RFX2: variants seen among roughly 807,000 people sequenced by gnomAD.
RFX2 encodes the protein regulatory factor X2.
A neutral mutation model predicts 87.8 loss-of-function variants in RFX2; 20 were observed. That is an observed-to-expected ratio of 0.23 (90% CI 0.16 to 0.33). RFX2 has a LOEUF of 0.33. Ranked by LOEUF, RFX2 falls within the 10% of genes least tolerant of loss-of-function variation. RFX2 has a pLI of 1.00. For missense variants in RFX2, 767 were observed against 1,012.3 expected, an observed-to-expected ratio of 0.76 and a Z score of 3.29; for synonymous variants, 397 against 431.3, an observed-to-expected ratio of 0.92 and a Z score of 0.98.
At chr19:6,088,288 C>T (rs1175086475) in intron 1 of RFX2, among the ~76,000 whole-genome samples, 1 of 142,250 alleles carries the variant, frequency 7.0e-6, no homozygotes, top group African/African-American at 2.7e-5. Context: ...GGCGTGATCT[C>T]GGCTCACTGC....
chr19:6,104,047 T>C (rs1403089703), intron 1 of RFX2, among the ~76,000 whole-genome samples: 4 of 152,178 alleles, frequency 2.6e-5, no homozygotes, highest in Admixed American at 1.3e-4. Flanking sequence ...ATTTCACAGA[T>C]GTCAAACCTT....
At chr19:6,099,515 A>G (rs1364475157) in intron 1 of RFX2, among the ~76,000 whole-genome samples, 3 of 146,426 alleles carry the variant, frequency 2.0e-5, no homozygotes, top group Non-Finnish European at 4.5e-5. Flanking sequence ...GGGCTGCGTG[A>G]TTTTTTTTTT....
chr19:5,997,306 C>A lies in RFX2; in HGVS notation c.1860-93G>T. On this transcript the variant is annotated intron_variant, in intron 15 of 17. Transcript: ENST00000303657. This position sits in a 1 kb window ranked among gnomAD's most constrained non-coding sequence, Gnocchi z 4.2. ...TCATGGCAGCAACACACCCCCTGCTCTACGTTCCCTGGGGAACCCAGAGGC... is the reference window on the plus strand; with the variant it reads ...TCATGGCAGCAACACACCCCCTGCTATACGTTCCCTGGGGAACCCAGAGGC... The A allele has an allele frequency of 5.2e-6, 7 of 1,350,660 alleles. No homozygotes were observed. Among genetic ancestry groups the A allele is most frequent in the Non-Finnish European group, 6.9e-6 (7 of 1,014,062 alleles). The allele number at this position is 1,350,660 out of a possible 1,614,324, so 83.7% of individuals were successfully genotyped here.
At chr19:6,100,416 G>C (rs74518892) in intron 1 of RFX2, among the ~76,000 whole-genome samples, 1 of 152,194 alleles carries the variant, frequency 6.6e-6, no homozygotes, top group Non-Finnish European at 1.5e-5. Context: ...AGAATCCAGA[G>C]ACGACAGAGC....
At chr19:6,028,918 T>C (rs567704303) in intron 5 of RFX2, among the ~76,000 whole-genome samples, 1 of 151,912 alleles carries the variant, frequency 6.6e-6, no homozygotes, top group African/African-American at 2.4e-5. Flanking sequence ...CTACTAAAAA[T>C]ACCAAAAAAA....
chr19:6,095,887 T>C (rs2088014546), intron 1 of RFX2, among the ~76,000 whole-genome samples: 1 of 152,204 alleles, frequency 6.6e-6, no homozygotes, highest in Non-Finnish European at 1.5e-5. Flanking sequence ...CTGTGATGCA[T>C]GAAAATTACA....
Position 6,102,497 on chromosome 19 carries a change from G to A in RFX2, c.-9+7896C>T, listed in dbSNP as rs549951186. On this transcript the variant is annotated intron_variant, in intron 1 of 17. Coordinates refer to ENST00000303657, the MANE Select transcript of RFX2 (RefSeq NM_000635.4). ...TTTGATCTGACAGGTACCGGCTGAT[G>A]TGAACTCTACCAATGATCCAGTTTA... Among the ~76,000 whole-genome samples the A allele has an allele frequency of 1.1e-4, 16 of 152,350 alleles. No individual in the cohort carries two copies. In the South Asian group the frequency reaches 3.3e-3, roughly 32 times the overall value.
chr19:6,013,207 A>G lies in RFX2; in HGVS notation c.780-102T>C, dbSNP rs1437958311. ...TTCTTTCTTCTTTTTTTTTTTTGAG[A>G]CAGAATCTCATTCTGTCGCCCAGGC... On this transcript the variant is annotated intron_variant, in intron 7 of 17. Coordinates refer to ENST00000303657, the MANE Select transcript of RFX2 (RefSeq NM_000635.4). This position sits in a 1 kb window ranked among gnomAD's most constrained non-coding sequence, Gnocchi z 4.1. The G allele has an allele frequency of 1.7e-5, 21 of 1,213,182 alleles. No homozygotes were observed. Among genetic ancestry groups the G allele is most frequent in the Non-Finnish European group, 2.1e-5 (19 of 897,796 alleles). 75.2% of individuals were successfully genotyped at this position (1,213,182 alleles called of 1,614,324 possible).
At chr19:6,076,063 G>T (rs2144846768) in intron 1 of RFX2, among the ~76,000 whole-genome samples, 1 of 152,258 alleles carries the variant, frequency 6.6e-6, no homozygotes, top group East Asian at 1.9e-4. Context: ...CGAGGTTGGG[G>T]GCGGTGGCTC....
rs1417341643 is a variant in RFX2, at chr19:6,012,979, C to A, written c.899+7G>T. 8 of 1,531,210 alleles carry A rather than the reference C, an allele frequency of 5.2e-6. No individual in the cohort carries two copies. Among genetic ancestry groups the A allele is most frequent in the Non-Finnish European group, 7.0e-6 (8 of 1,138,828 alleles). 94.9% of individuals were successfully genotyped at this position (1,531,210 alleles called of 1,614,324 possible). On this transcript the variant is annotated splice_region_variant and intron_variant, in intron 8 of 17. Transcript: ENST00000303657. The surrounding 1 kb of genome is among the most constrained non-coding windows in gnomAD (Gnocchi z 4.6). Reference sequence around the variant, plus strand: ...GCCAGCTCCTCCCAGCTCGGCCCGGCACCCACCTGGGCTTCTGGTGCATGG... The same window carrying A: ...GCCAGCTCCTCCCAGCTCGGCCCGGAACCCACCTGGGCTTCTGGTGCATGG...
rs1260473093 is a variant in RFX2, at chr19:6,110,284, T to G, written c.-9+109A>C. The G allele has an allele frequency of 6.7e-6, 1 of 149,220 alleles. No homozygotes were observed. Among genetic ancestry groups the G allele is most frequent in the Non-Finnish European group, 1.5e-5 (1 of 67,132 alleles). 9.2% of individuals were successfully genotyped at this position (149,220 alleles called of 1,614,324 possible). ...CCCGCGGGCGCACCACCCGGACGTT[T>G]GGGGTGAGCGGCGGGGACGTGCTGC... On this transcript the variant is annotated intron_variant, in intron 1 of 17. Coordinates refer to ENST00000303657, the MANE Select transcript of RFX2 (RefSeq NM_000635.4). This position sits in a 1 kb window ranked among gnomAD's most constrained non-coding sequence, Gnocchi z 4.3.
chr19:5,995,494 G>T (rs1306959605), intron 17 of RFX2, 107 bp downstream of exon 17: 1 of 1,146,228 alleles, frequency 8.7e-7, no homozygotes, highest in Admixed American at 2.0e-5. Flanking sequence ...CCCCCAAGGG[G>T]CTGCCCGCAT....
intron 9 of RFX2, among the ~76,000 whole-genome samples, chr19:6,009,330 C>T (rs963437395): frequency 2.6e-5 from 4 of 152,114 alleles, no homozygotes; most frequent in South Asian, 2.1e-4. Context: ...CTTCCTTGGC[C>T]GCCCCCCACC....
chr19:6,042,956 T>C (rs2144769493), intron 3 of RFX2, among the ~76,000 whole-genome samples: 1 of 152,290 alleles, frequency 6.6e-6, no homozygotes, highest in East Asian at 1.9e-4. Context: ...TCGGGTGTCA[T>C]GGTGTCATGG....
chr19:6,069,363 A>C (rs187681057), intron 1 of RFX2, among the ~76,000 whole-genome samples: 14 of 152,288 alleles, frequency 9.2e-5, no homozygotes, highest in Admixed American at 8.5e-4. Flanking sequence ...CCATCAGTGT[A>C]TAGAGAACAT....
intron 5 of RFX2, among the ~76,000 whole-genome samples, chr19:6,035,848 G>GTGTGTGT: frequency 1.2e-5 from 1 of 85,384 alleles, no homozygotes; most frequent in African/African-American, 5.8e-5. Flanking sequence ...AGCTTGGTGG[G>GTGTGTGT]GGGTGTGTGT....
intron 5 of RFX2, among the ~76,000 whole-genome samples, chr19:6,037,367 C>T (rs1428478677): frequency 1.3e-5 from 2 of 151,152 alleles, no homozygotes; most frequent in African/African-American, 4.9e-5. Flanking sequence ...TTTTTTAAAT[C>T]CTAGAAATGA....
chr19:6,102,973 A>G (rs2088150733), intron 1 of RFX2, among the ~76,000 whole-genome samples: 2 of 152,152 alleles, frequency 1.3e-5, no homozygotes, highest in Non-Finnish European at 1.5e-5. Flanking sequence ...CTCGTTTTTT[A>G]TTATGAATTA....
Position 6,024,584 on chromosome 19 carries a change from C to T in RFX2, c.597+1579G>A, listed in dbSNP as rs146865495. Reference sequence around the variant, plus strand: ...AGGGGCTGCGGTGAGCAGGTGACCACACCTGTACCTAACCCATAACCCAGG... The same window carrying T: ...AGGGGCTGCGGTGAGCAGGTGACCATACCTGTACCTAACCCATAACCCAGG... On this transcript the variant is annotated intron_variant, in intron 6 of 17. Coordinates refer to ENST00000303657, the MANE Select transcript of RFX2 (RefSeq NM_000635.4). The surrounding 1 kb of genome is among the most constrained non-coding windows in gnomAD (Gnocchi z 5.0). Among the ~76,000 whole-genome samples, 8 of 152,368 alleles carry T rather than the reference C, an allele frequency of 5.3e-5. 1 individual carries two copies. The highest frequency in any genetic ancestry group is 1.9e-4 in the African/African-American group (8 of 41,580).
Sources: allele counts gnomAD v4.1 joint callset (sites outside exome capture counted in the v4.1 genomes callset), GRCh38; gene constraint gnomAD v4.1.1; non-coding constraint Gnocchi (gnomAD v3.1); transcripts MANE v1.5; gene names NCBI Gene and HGNC (gene_info 2026-07-23, HGNC 2026-07-21).